Variants in KYNU observed in about 807,000 individuals in gnomAD.
The protein encoded by KYNU is L-kynurenine hydrolase.
Under a neutral mutation model 59.2 loss-of-function variants are expected in KYNU, and 54 were observed. The observed-to-expected ratio is 0.91, with a 90% confidence interval of 0.73 to 1.14. The LOEUF is 1.14. KYNU is among the 50% of genes most tolerant of loss of function. The pLI is 0.00. For missense variants in KYNU, 567 were observed against 554.4 expected, an observed-to-expected ratio of 1.02 and a Z score of -0.23; for synonymous variants, 177 against 192.0, an observed-to-expected ratio of 0.92 and a Z score of 0.65.
At chr2:143,011,043 A>G (rs1471053788) in intron 10 of KYNU, among the ~76,000 whole-genome samples, 1 of 145,788 alleles carries the variant, frequency 6.9e-6, no homozygotes, top group African/African-American at 2.6e-5. Flanking sequence ...AATGGCAACC[A>G]AAGCCAAAAT....
chr2:142,915,582 T>C (rs1316329656), intron 2 of KYNU, among the ~76,000 whole-genome samples: 4 of 152,318 alleles, frequency 2.6e-5, no homozygotes, highest in East Asian at 3.9e-4. Context: ...GTGGTGGACA[T>C]TTTTGATGCA....
At chr2:143,006,694 C>T (rs999744132) in intron 10 of KYNU, among the ~76,000 whole-genome samples, 59 of 151,526 alleles carry the variant, frequency 3.9e-4, no homozygotes, top group African/African-American at 1.2e-3. Flanking sequence ...TCTCCCAGCA[C>T]GCAGCTGGAG....
At chr2:143,014,369 C>T (rs1388091097) in intron 10 of KYNU, among the ~76,000 whole-genome samples, 1 of 152,190 alleles carries the variant, frequency 6.6e-6, no homozygotes, top group African/African-American at 2.4e-5. Flanking sequence ...TGAGGCTTCT[C>T]CTTCCCCAGC....
intron 10 of KYNU, among the ~76,000 whole-genome samples, chr2:142,998,869 T>G (rs1378336497): frequency 6.6e-6 from 1 of 151,488 alleles, no homozygotes; most frequent in Admixed American, 6.6e-5. Flanking sequence ...GTTAGCTGGG[T>G]GTAGTGGTGC....
intron 4 of KYNU, among the ~76,000 whole-genome samples, chr2:142,943,011 A>G (rs771328340): frequency 2.0e-5 from 3 of 152,172 alleles, no homozygotes; most frequent in Non-Finnish European, 4.4e-5. Flanking sequence ...CTTAATGTAC[A>G]TGCTTGAGCC....
At chr2:143,035,192 C>A (rs776293719) in intron 12 of KYNU, among the ~76,000 whole-genome samples, 8 of 152,138 alleles carry the variant, frequency 5.3e-5, no homozygotes, top group Non-Finnish European at 1.2e-4. Context: ...CTACACCAGG[C>A]TAATTTTTGT....
chr2:142,986,672 T>C (rs920300667), intron 10 of KYNU, among the ~76,000 whole-genome samples: 3 of 151,880 alleles, frequency 2.0e-5, no homozygotes, highest in Non-Finnish European at 2.9e-5. Flanking sequence ...AAGTGTTCCT[T>C]TTACTTTTTT....
At chr2:142,930,544 G>T (rs1204541046) in intron 4 of KYNU, among the ~76,000 whole-genome samples, 1 of 152,164 alleles carries the variant, frequency 6.6e-6, no homozygotes, top group Admixed American at 6.5e-5. Flanking sequence ...GTCAGGGTTG[G>T]TTTCTAGTAA....
intron 10 of KYNU, among the ~76,000 whole-genome samples, chr2:142,992,654 C>T (rs1685434266): frequency 6.6e-6 from 1 of 151,750 alleles, no homozygotes; most frequent in Non-Finnish European, 1.5e-5. Flanking sequence ...ATACATCTTT[C>T]TATCTCAGAA....
intron 4 of KYNU, 61 bp from the exon 5 acceptor site, chr2:142,954,749 G>GT (rs1573834994): frequency 3.7e-6 from 4 of 1,085,022 alleles, no homozygotes; most frequent in South Asian, 1.3e-5. Context: ...TTCCTACTTT[G>GT]TTTTTTCAGT....
In KYNU at chr2:142,899,578, T is replaced by C. The variant is rs1056370651; in HGVS notation, c.169+14042T>C. 2.0e-5 allele frequency among the ~76,000 whole-genome samples: 3 copies of C among 152,142 alleles called. No individual in the cohort carries two copies. The East Asian group carries it at 5.8e-4, about 29-fold the overall frequency. ...AACTGCTTCCTGCTGAATTGGGGCATAGTAGGGGTCGTGCAATTGAGATTT... is the reference window on the plus strand; with the variant it reads ...AACTGCTTCCTGCTGAATTGGGGCACAGTAGGGGTCGTGCAATTGAGATTT... On this transcript the variant is annotated intron_variant, in intron 2 of 13. Coordinates refer to ENST00000264170, the MANE Select transcript of KYNU (RefSeq NM_003937.3).
chr2:142,902,522 C>A (rs147798535), intron 2 of KYNU, among the ~76,000 whole-genome samples: 1 of 152,226 alleles, frequency 6.6e-6, no homozygotes, highest in East Asian at 1.9e-4. Context: ...GCCAAGGAAC[C>A]TTTTATTTGC....
intron 10 of KYNU, among the ~76,000 whole-genome samples, chr2:143,023,130 G>A (rs1686454992): frequency 6.6e-6 from 1 of 151,790 alleles, no homozygotes; most frequent in South Asian, 2.1e-4. Context: ...TCTCTGCACT[G>A]TTTTGGCAAT....
chr2:142,923,116 C>T (rs914137579), intron 3 of KYNU, among the ~76,000 whole-genome samples: 2 of 152,214 alleles, frequency 1.3e-5, no homozygotes, highest in African/African-American at 4.8e-5. Flanking sequence ...CCTCTTAATA[C>T]TGTCACATTG....
intron 10 of KYNU, among the ~76,000 whole-genome samples, chr2:143,008,266 T>G (rs1219694556): frequency 8.6e-6 from 1 of 116,158 alleles, no homozygotes; most frequent in Non-Finnish European, 1.7e-5. Context: ...TCCTAGTCTC[T>G]GATAAAACAG....
intron 7 of KYNU, among the ~76,000 whole-genome samples, 187 bp from the exon 8 acceptor site, chr2:142,960,437 T>G (rs185454753): frequency 1.3e-5 from 2 of 152,316 alleles, no homozygotes; most frequent in East Asian, 3.9e-4. Flanking sequence ...ACTTTTTAAT[T>G]ATCATTTCTT....
intron 7 of KYNU, among the ~76,000 whole-genome samples, chr2:142,958,717 A>G (rs921727601): frequency 6.6e-6 from 1 of 152,242 alleles, no homozygotes; most frequent in Admixed American, 6.5e-5. Flanking sequence ...TGAGTTACTC[A>G]TAATCTTGGG....
rs186609564 is a variant in KYNU at position 142,982,370 on chromosome 2, C to G, written c.730-2714C>G. On this transcript the variant is annotated intron_variant, in intron 8 of 13. Transcript: ENST00000264170. ...CTTTATATTTTCTCAGTAAACATTG[C>G]AACATTTTGATATGCAGTAAGTTAA... 5.9e-5 allele frequency among the ~76,000 whole-genome samples: 9 copies of G among 152,146 alleles called. No homozygotes were observed. The East Asian group carries it at 1.7e-3, about 29-fold the overall frequency.
At chr2:143,026,471 G>T (rs973458478) in intron 10 of KYNU, among the ~76,000 whole-genome samples, 1 of 152,198 alleles carries the variant, frequency 6.6e-6, no homozygotes, top group African/African-American at 2.4e-5. Flanking sequence ...GGGAGTGCAC[G>T]AGCGAACGAG....
Sources: gnomAD v4.1 joint callset for allele counts (sites outside exome capture counted in the v4.1 genomes callset) on GRCh38, gnomAD v4.1.1 for gene constraint, MANE v1.5 for transcripts, NCBI Gene and HGNC (gene_info 2026-07-23, HGNC 2026-07-21) for gene names.